The following NAALADL2 variants were observed in gnomAD, a reference collection of about 807,000 sequenced individuals.
NAALADL2 encodes the protein inactive N-acetylated-alpha-linked acidic dipeptidase-like protein 2.
NAALADL2 carries 76 observed loss-of-function variants against 87.2 expected under a neutral mutation model. The ratio of observed to expected loss-of-function variants is 0.87; its 90% CI spans 0.72 to 1.05. The LOEUF is 1.05. Among genes scored for constraint, NAALADL2 ranks in the 50% least tolerant of loss-of-function variants. NAALADL2 has a pLI of 0.00. For synonymous variants in NAALADL2, 354 were observed against 331.0 expected (o/e 1.07, Z -0.75); for missense variants, 1,089 against 945.8 (o/e 1.15, Z -1.99).
At chr3:175,013,169 A>ATTTATATATAAAT (rs1750259042) in intron 1 of NAALADL2, among the ~76,000 whole-genome samples, 12 of 110,068 alleles carry the variant, frequency 1.1e-4, no homozygotes, top group South Asian at 2.6e-4. Flanking sequence ...ATAAATATGT[A>ATTTATATATAAAT]ATACATATTT....
chr3:175,560,792 T>A (rs1716144518), intron 9 of NAALADL2, among the ~76,000 whole-genome samples: 1 of 152,118 alleles, frequency 6.6e-6, no homozygotes, highest in African/African-American at 2.4e-5. Context: ...CAGCCGATTT[T>A]TGTATTTTTA....
intron 13 of NAALADL2, among the ~76,000 whole-genome samples, chr3:175,763,342 A>G (rs548851405): frequency 6.6e-6 from 1 of 152,230 alleles, no homozygotes; most frequent in East Asian, 1.9e-4. Context: ...GAAATTTAAT[A>G]TCTTTTAAAA....
intron 1 of NAALADL2, among the ~76,000 whole-genome samples, chr3:175,074,146 G>A (rs1716163170): frequency 6.6e-6 from 1 of 151,976 alleles, no homozygotes; most frequent in South Asian, 2.1e-4. Flanking sequence ...ATTAATGAAT[G>A]AATTTACCAA....
intron 4 of NAALADL2, among the ~76,000 whole-genome samples, chr3:175,276,797 A>T (rs1405731066): frequency 6.6e-6 from 1 of 152,054 alleles, no homozygotes; most frequent in Non-Finnish European, 1.5e-5. Context: ...TCAAGATGAG[A>T]TCCATTTCTT....
intron 4 of NAALADL2, among the ~76,000 whole-genome samples, chr3:175,312,043 A>G (rs1758441571): frequency 6.6e-6 from 1 of 152,182 alleles, no homozygotes. Context: ...AAACTAACAA[A>G]GAAAAATGAG....
intron 2 of NAALADL2, among the ~76,000 whole-genome samples, chr3:175,196,711 A>G (rs1739065181): frequency 6.6e-6 from 1 of 152,002 alleles, no homozygotes. Flanking sequence ...TTTCACAAAA[A>G]GTACGAGGTT....
At chr3:175,564,907 A>G (rs1193603895) in intron 9 of NAALADL2, among the ~76,000 whole-genome samples, 1 of 152,230 alleles carries the variant, frequency 6.6e-6, no homozygotes, top group East Asian at 1.9e-4. Context: ...ATTTGTGAAG[A>G]AGTAGGTTTA....
At chr3:175,402,790 C>A (rs777010392) in intron 5 of NAALADL2, among the ~76,000 whole-genome samples, 1 of 152,032 alleles carries the variant, frequency 6.6e-6, no homozygotes, top group Non-Finnish European at 1.5e-5. Flanking sequence ...AAAAAATTGG[C>A]TCCCTCTCTG....
At chr3:175,055,953 G>A (rs891817141) in intron 1 of NAALADL2, among the ~76,000 whole-genome samples, 2 of 152,164 alleles carry the variant, frequency 1.3e-5, no homozygotes, top group East Asian at 3.9e-4. Flanking sequence ...ACCAAATGTA[G>A]CTATAATATT....
At chr3:174,647,179 G>A (rs981133689) in intron 2 of NAALADL2, among the ~76,000 whole-genome samples, 1 of 152,276 alleles carries the variant, frequency 6.6e-6, no homozygotes, top group African/African-American at 2.4e-5. Context: ...ACACTATAAT[G>A]TAGTAGGGGA....
chr3:174,786,125 A>G (rs1716610548), intron 3 of NAALADL2, among the ~76,000 whole-genome samples: 1 of 152,242 alleles, frequency 6.6e-6, no homozygotes, highest in Non-Finnish European at 1.5e-5. Context: ...TTATTTTTGC[A>G]TGATCCCTTG....
rs189153352 is a variant in NAALADL2, at chr3:174,554,723, A to G, written c.-115+4086A>G. 6.1e-4 allele frequency among the ~76,000 whole-genome samples: 93 copies of G among 152,318 alleles called. No homozygotes were observed. The East Asian group carries it at 0.011, about 18-fold the overall frequency. ...TGTACCAGTTCACACTTCTGTATTT[A>G]TGGTATGCAATTCAAAAAATTTTTT... On this transcript the variant is annotated intron_variant, in intron 2 of 3. Transcript: ENST00000434257.
Position 174,821,385 on chromosome 3 carries a change from A to G in NAALADL2, c.-9+83639A>G, listed in dbSNP as rs190054859. Among the ~76,000 whole-genome samples, 765 of 152,334 alleles carry G rather than the reference A, an allele frequency of 5.0e-3. 23 individuals carry two copies. Among genetic ancestry groups the G allele is most frequent in the Non-Finnish European group, 9.1e-4 (62 of 68,034 alleles). ...TAGCTCTGTACTTGGCATATAGTAGATGATCTGGTAACATTTGCTATTGTA... is the reference window on the plus strand; with the variant it reads ...TAGCTCTGTACTTGGCATATAGTAGGTGATCTGGTAACATTTGCTATTGTA... On this transcript the variant is annotated intron_variant, in intron 3 of 3. Coordinates refer to the NAALADL2 transcript ENST00000434257.
intron 9 of NAALADL2, among the ~76,000 whole-genome samples, chr3:175,538,051 C>T (rs925672024): frequency 6.6e-6 from 1 of 151,996 alleles, no homozygotes; most frequent in Non-Finnish European, 1.5e-5. Flanking sequence ...TTTTATAAAG[C>T]TCGATTAGAT....
chr3:174,927,176 C>T (rs1736186307), intron 1 of NAALADL2, among the ~76,000 whole-genome samples: 1 of 152,130 alleles, frequency 6.6e-6, no homozygotes, highest in South Asian at 2.1e-4. Flanking sequence ...ATTATATATG[C>T]ACCCAATACA....
chr3:174,760,652 G>A (rs1712809184), intron 3 of NAALADL2, among the ~76,000 whole-genome samples: 1 of 152,196 alleles, frequency 6.6e-6, no homozygotes, highest in South Asian at 2.1e-4. Context: ...CCTCTGCTAG[G>A]CTCTTGCTGT....
chr3:174,910,324 A>AT (rs926399857), intron 1 of NAALADL2, among the ~76,000 whole-genome samples: 1 of 152,098 alleles, frequency 6.6e-6, no homozygotes, highest in African/African-American at 2.4e-5. Flanking sequence ...ATAACTATAT[A>AT]TTTTAAAATA....
chr3:174,624,549 G>A (rs1457965084), intron 2 of NAALADL2, among the ~76,000 whole-genome samples: 3 of 151,710 alleles, frequency 2.0e-5, no homozygotes, highest in African/African-American at 4.8e-5. Context: ...GCTTTAACCC[G>A]GGAGGTGGAG....
chr3:175,371,374 TCTC>T (rs1310602027), intron 5 of NAALADL2, among the ~76,000 whole-genome samples: 1 of 151,944 alleles, frequency 6.6e-6, no homozygotes, highest in East Asian at 2.0e-4. Context: ...TTCTCGCCGT[TCTC>T]CTGCCTCAGC....
Sources: allele counts gnomAD v4.1 joint callset (sites outside exome capture counted in the v4.1 genomes callset), GRCh38; gene constraint gnomAD v4.1.1; transcripts MANE v1.5; gene names NCBI Gene and HGNC (gene_info 2026-07-23, HGNC 2026-07-21).